KCND2: variants seen among roughly 807,000 people sequenced by gnomAD.
KCND2 encodes potassium voltage-gated channel subfamily D member 2.
Under a neutral mutation model 54.4 loss-of-function variants are expected in KCND2, and 16 were observed. The observed-to-expected ratio is 0.29, with a 90% CI of 0.20 to 0.45. The LOEUF (loss-of-function observed/expected upper bound fraction) is 0.45, where lower values mean the gene tolerates loss of function less well. Among genes scored for constraint, KCND2 ranks in the 20% least tolerant of loss-of-function variants. The pLI is 1.00. For missense variants in KCND2, 486 were observed against 824.2 expected (o/e 0.59, Z 5.02); for synonymous variants, 317 against 310.7 (o/e 1.02, Z -0.21).
chr7:120,508,541 A>G (rs910452950), intron 1 of KCND2, among the ~76,000 whole-genome samples: 4 of 151,868 alleles, frequency 2.6e-5, no homozygotes, highest in African/African-American at 9.7e-5. Flanking sequence ...GAAAAGAAAT[A>G]AAGTGTTTTA....
At chr7:120,630,893 G>C (rs117107803) in intron 1 of KCND2, among the ~76,000 whole-genome samples, 1,644 of 152,248 alleles carry the variant, frequency 0.011, 9 homozygotes, top group Non-Finnish European at 0.015. Flanking sequence ...AGGTATATGT[G>C]CCTGTTAATG....
At chr7:120,515,454 C>T (rs1163663306) in intron 1 of KCND2, among the ~76,000 whole-genome samples, 4 of 151,862 alleles carry the variant, frequency 2.6e-5, no homozygotes, top group Non-Finnish European at 5.9e-5. Flanking sequence ...AAGAGGAGAA[C>T]CCTAAGGTTA....
chr7:120,444,934 A>T (rs1050350067), intron 1 of KCND2, among the ~76,000 whole-genome samples: 5 of 152,106 alleles, frequency 3.3e-5, no homozygotes, highest in African/African-American at 1.2e-4. Flanking sequence ...GTCATTGGGC[A>T]TGTTACTTTT....
At chr7:120,718,817 G>GT (rs1193943854) in intron 1 of KCND2, among the ~76,000 whole-genome samples, 1 of 151,972 alleles carries the variant, frequency 6.6e-6, no homozygotes, top group Admixed American at 6.6e-5. Context: ...ATAATTAACA[G>GT]TTGTTTTCAG....
chr7:120,382,402 C>T (rs1171199249), intron 1 of KCND2, among the ~76,000 whole-genome samples: 1 of 151,786 alleles, frequency 6.6e-6, no homozygotes, highest in African/African-American at 2.4e-5. Flanking sequence ...ACATTCTATT[C>T]ATTATAGAAT....
chr7:120,297,024 G>T (rs1023738513), intron 1 of KCND2, among the ~76,000 whole-genome samples: 3 of 151,790 alleles, frequency 2.0e-5, no homozygotes, highest in African/African-American at 7.2e-5. Flanking sequence ...TTTTTATTTT[G>T]TTGTTTATTT....
chr7:120,717,315 G>A (rs570571961), intron 1 of KCND2, among the ~76,000 whole-genome samples: 5 of 152,148 alleles, frequency 3.3e-5, no homozygotes, highest in Non-Finnish European at 7.4e-5. Flanking sequence ...AGCATATACA[G>A]TGTGGATACG....
At chr7:120,727,388 C>G (rs1792746802) in intron 1 of KCND2, among the ~76,000 whole-genome samples, 1 of 152,128 alleles carries the variant, frequency 6.6e-6, no homozygotes, top group Non-Finnish European at 1.5e-5. Flanking sequence ...ATCAATATTA[C>G]TTGATAAATA....
chr7:120,324,043 T>C lies in KCND2; in HGVS notation c.1115+48296T>C, dbSNP rs879295318. ...GTGGTTTTGATTTGCATTTCTCTGA[T>C]GGCCAGTGATGGTGAGCATTTTTTC... On this transcript the variant is annotated intron_variant, in intron 1 of 5. Transcript: ENST00000331113. 5.6e-3 allele frequency among the ~76,000 whole-genome samples: 846 copies of C among 150,212 alleles called. 2 individuals are homozygous for C. The highest frequency in any genetic ancestry group is 9.0e-3 in the Non-Finnish European group (607 of 67,716).
intron 1 of KCND2, among the ~76,000 whole-genome samples, chr7:120,419,681 C>T (rs1351056319): frequency 1.3e-5 from 2 of 152,066 alleles, no homozygotes; most frequent in African/African-American, 4.8e-5. Context: ...TGCATATATA[C>T]ATATTACACA....
chr7:120,740,824 G>A (rs755212666), intron 2 of KCND2: 7 of 455,702 alleles, frequency 1.5e-5, no homozygotes, highest in Non-Finnish European at 8.8e-6. Flanking sequence ...CAGTTCAAGA[G>A]TGAAATACAA....
In KCND2 at chr7:120,360,208, A is replaced by T. The variant is rs186595417; in HGVS notation, c.1115+84461A>T. On this transcript the variant is annotated intron_variant, in intron 1 of 5. Coordinates refer to ENST00000331113, the MANE Select transcript of KCND2 (RefSeq NM_012281.3). Reference sequence around the variant, plus strand: ...ACTAAAAATTAATTCAATACATATAATTTACTGAACTTTATTATCACCGAG... The same window carrying T: ...ACTAAAAATTAATTCAATACATATATTTTACTGAACTTTATTATCACCGAG... Among the ~76,000 whole-genome samples, 531 of 152,142 alleles carry T rather than the reference A, an allele frequency of 3.5e-3. 3 individuals are homozygous for T. Among genetic ancestry groups the T allele is most frequent in the African/African-American group, 0.012 (507 of 41,538 alleles).
chr7:120,363,062 A>G lies in KCND2; in HGVS notation c.1115+87315A>G, dbSNP rs146228379. On this transcript the variant is annotated intron_variant, in intron 1 of 5. Coordinates refer to ENST00000331113, the MANE Select transcript of KCND2 (RefSeq NM_012281.3). Reference sequence around the variant, plus strand: ...TCACATCTGTAATTTCAGCTTTGGGAGGTCGACATGGGAGGATCACTTGAG... The same window carrying G: ...TCACATCTGTAATTTCAGCTTTGGGGGGTCGACATGGGAGGATCACTTGAG... Among the ~76,000 whole-genome samples, 400 of 152,130 alleles carry G rather than the reference A, an allele frequency of 2.6e-3. 1 individual carries two copies. The highest frequency in any genetic ancestry group is 9.3e-3 in the African/African-American group (385 of 41,532).
intron 1 of KCND2, among the ~76,000 whole-genome samples, chr7:120,588,142 A>AT (rs1792623405): frequency 6.6e-6 from 1 of 152,154 alleles, no homozygotes; most frequent in African/African-American, 2.4e-5. Context: ...TTTCTGTGGT[A>AT]TTTATGTAAT....
At chr7:120,537,345 G>A (rs749155801) in intron 1 of KCND2, among the ~76,000 whole-genome samples, 21 of 152,062 alleles carry the variant, frequency 1.4e-4, no homozygotes, top group African/African-American at 2.7e-4. Context: ...ATATGCTGTC[G>A]TCAAAATTTT....
At chr7:120,559,039 A>G (rs1205285593) in intron 1 of KCND2, among the ~76,000 whole-genome samples, 3 of 151,176 alleles carry the variant, frequency 2.0e-5, no homozygotes, top group Non-Finnish European at 4.4e-5. Flanking sequence ...GTGTGTGTGT[A>G]TGTGTACGTG....
intron 1 of KCND2, among the ~76,000 whole-genome samples, chr7:120,282,293 C>T (rs888420880): frequency 5.3e-5 from 8 of 152,090 alleles, no homozygotes; most frequent in African/African-American, 1.9e-4. Flanking sequence ...TCTTGTTTTT[C>T]ATCCAGGTTT....
intron 2 of KCND2, among the ~76,000 whole-genome samples, chr7:120,738,703 G>T (rs543016615): frequency 1.6e-4 from 24 of 152,088 alleles, no homozygotes; most frequent in African/African-American, 5.3e-4. Context: ...AGACTGAAAG[G>T]AATACATTTC....
intron 1 of KCND2, among the ~76,000 whole-genome samples, chr7:120,571,859 A>T (rs1029542204): frequency 6.6e-6 from 1 of 152,240 alleles, no homozygotes; most frequent in African/African-American, 2.4e-5. Flanking sequence ...GGATTTTTCA[A>T]CTAGAATACT....
Sources: gnomAD v4.1 joint callset for allele counts (sites outside exome capture counted in the v4.1 genomes callset) on GRCh38, gnomAD v4.1.1 for gene constraint, MANE v1.5 for transcripts, NCBI Gene and HGNC (gene_info 2026-07-23, HGNC 2026-07-21) for gene names.